The following NOL4 variants were observed in gnomAD, a reference collection of about 807,000 sequenced individuals.
The protein encoded by NOL4 is cancer/testis antigen 125.
NOL4 carries 17 observed loss-of-function variants against 75.9 expected under a neutral mutation model. That is an observed-to-expected ratio of 0.22 (90% CI 0.15 to 0.34). The LOEUF (loss-of-function observed/expected upper bound fraction) is 0.34, where lower values mean the gene tolerates loss of function less well. Ranked by LOEUF, NOL4 falls within the 10% of genes least tolerant of loss-of-function variation. The probability of loss-of-function intolerance (pLI) is 1.00; values close to 1 mark genes in which losing one functional copy is unlikely to be tolerated. For missense variants in NOL4, 614 were observed against 793.5 expected (o/e 0.77, Z 2.72); for synonymous variants, 292 against 289.9 (o/e 1.01, Z -0.07).
intron 1 of NOL4, among the ~76,000 whole-genome samples, chr18:34,158,211 G>A (rs2030787905): frequency 6.6e-6 from 1 of 152,178 alleles, no homozygotes; most frequent in Non-Finnish European, 1.5e-5. Context: ...AAATTTGAGA[G>A]CAAGGGGTTG....
intron 5 of NOL4, among the ~76,000 whole-genome samples, chr18:34,036,749 C>T (rs1411600096): frequency 6.6e-6 from 1 of 151,988 alleles, no homozygotes. Flanking sequence ...TATGGTGAAT[C>T]CCCGTCTCTA....
At chr18:33,909,321 GTTGT>G (rs1258025962) in intron 9 of NOL4, among the ~76,000 whole-genome samples, 4 of 152,110 alleles carry the variant, frequency 2.6e-5, no homozygotes, top group African/African-American at 9.7e-5. Flanking sequence ...GATCTCATCT[GTTGT>G]TTATGACTTT....
At chr18:34,040,057 T>C (rs944566106) in intron 5 of NOL4, among the ~76,000 whole-genome samples, 3 of 151,996 alleles carry the variant, frequency 2.0e-5, no homozygotes, top group Non-Finnish European at 4.4e-5. Context: ...CCATTTTGAT[T>C]TAGAATATTT....
At chr18:34,119,653 G>A (rs1292281214) in intron 2 of NOL4, among the ~76,000 whole-genome samples, 1 of 151,780 alleles carries the variant, frequency 6.6e-6, no homozygotes, top group Non-Finnish European at 1.5e-5. Flanking sequence ...AAGGAGTCTC[G>A]CTCTGTCGCC....
intron 6 of NOL4, 78 bp downstream of exon 6, chr18:34,019,240 T>A: frequency 8.6e-7 from 1 of 1,156,612 alleles, no homozygotes; most frequent in Non-Finnish European, 1.2e-6. Context: ...CAATAATGTT[T>A]ATCTGCTATA....
At chr18:33,886,805 G>A (rs550543094) in intron 9 of NOL4, among the ~76,000 whole-genome samples, 41 of 133,574 alleles carry the variant, frequency 3.1e-4, no homozygotes, top group Non-Finnish European at 5.1e-4. Context: ...ATCTATATAC[G>A]TATATAGATA....
At chr18:33,874,362 A>T (rs1467324196) in intron 10 of NOL4, among the ~76,000 whole-genome samples, 1 of 151,970 alleles carries the variant, frequency 6.6e-6, no homozygotes, top group Non-Finnish European at 1.5e-5. Flanking sequence ...AAAATGTTTG[A>T]TATGAAACAT....
In NOL4 at chr18:33,949,229, T is replaced by C. The variant is rs550792671; in HGVS notation, c.1429-6051A>G. Among the ~76,000 whole-genome samples the C allele has an allele frequency of 2.7e-4, 41 of 152,154 alleles. No individual in the cohort carries two copies. The South Asian group carries it at 7.9e-3, about 29-fold the overall frequency. Reference sequence around the variant, plus strand: ...TTCAGACAAACTGGTGAATGCAAACTAAAATAGTAGTTCAACTGTCCTTAT... The same window carrying C: ...TTCAGACAAACTGGTGAATGCAAACCAAAATAGTAGTTCAACTGTCCTTAT... On this transcript the variant is annotated intron_variant, in intron 8 of 10. Transcript: ENST00000261592.
intron 6 of NOL4, among the ~76,000 whole-genome samples, chr18:33,991,395 A>C (rs1030214693): frequency 4.6e-5 from 7 of 152,134 alleles, no homozygotes; most frequent in African/African-American, 1.7e-4. Context: ...AATAATAAAA[A>C]TAAACTAAAT....
At chr18:34,147,125 C>T (rs1239612248) in intron 1 of NOL4, among the ~76,000 whole-genome samples, 12 of 152,070 alleles carry the variant, frequency 7.9e-5, no homozygotes, top group African/African-American at 2.2e-4. Flanking sequence ...TGGGCTGAGA[C>T]GATGGGGTTT....
At chr18:34,154,325 G>A (rs1190993879) in intron 1 of NOL4, among the ~76,000 whole-genome samples, 1 of 151,792 alleles carries the variant, frequency 6.6e-6, no homozygotes, top group Non-Finnish European at 1.5e-5. Context: ...TTCCACATAC[G>A]GATCACCAAG....
At chr18:34,200,715 C>T (rs1600860815) in intron 1 of NOL4, among the ~76,000 whole-genome samples, 1 of 151,554 alleles carries the variant, frequency 6.6e-6, no homozygotes, top group South Asian at 2.1e-4. Flanking sequence ...ACTGCGGTAC[C>T]AAAAGTCAGC....
rs554151098 is a variant in NOL4 at position 34,217,018 on chromosome 18, G to A, written c.264+5972C>T. Among the ~76,000 whole-genome samples, 109 of 151,782 alleles carry A rather than the reference G, an allele frequency of 7.2e-4. 1 individual carries two copies. The highest frequency in any genetic ancestry group is 2.4e-3 in the African/African-American group (101 of 41,418). On this transcript the variant is annotated intron_variant, in intron 1 of 10. Coordinates refer to ENST00000261592, the MANE Select transcript of NOL4 (RefSeq NM_003787.5). ...ATATGCAACTATCAGTCATTTTATC[G>A]ACTCTTCTTTTGGCATATATTTCTA... is the stretch of plus-strand genomic sequence containing the variant.
intron 6 of NOL4, among the ~76,000 whole-genome samples, chr18:34,018,491 T>A (rs1184831406): frequency 6.6e-6 from 1 of 152,126 alleles, no homozygotes; most frequent in Non-Finnish European, 1.5e-5. Context: ...GCTTTAAGGA[T>A]CTATGTCAAA....
At chr18:34,016,632 A>T (rs2074712125) in intron 6 of NOL4, among the ~76,000 whole-genome samples, 1 of 151,814 alleles carries the variant, frequency 6.6e-6, no homozygotes. Flanking sequence ...GCCATTCCAC[A>T]CTCACCTCTG....
intron 5 of NOL4, among the ~76,000 whole-genome samples, chr18:34,044,338 G>A (rs1360058898): frequency 1.3e-5 from 2 of 151,934 alleles, no homozygotes; most frequent in Non-Finnish European, 2.9e-5. Context: ...ACTACAAAAT[G>A]CTTTTCCCAA....
intron 6 of NOL4, among the ~76,000 whole-genome samples, chr18:34,002,988 C>G (rs957780879): frequency 6.6e-6 from 1 of 151,902 alleles, no homozygotes; most frequent in Non-Finnish European, 1.5e-5. Context: ...AAACATTATC[C>G]CCATTTTTCA....
chr18:33,939,766 T>C (rs1273098481), intron 9 of NOL4, among the ~76,000 whole-genome samples: 2 of 152,088 alleles, frequency 1.3e-5, no homozygotes, highest in Non-Finnish European at 2.9e-5. Context: ...CCTTTCTTTC[T>C]TTCTCTTGCC....
intron 10 of NOL4, among the ~76,000 whole-genome samples, chr18:33,878,347 G>A (rs1302652409): frequency 6.6e-6 from 1 of 151,760 alleles, no homozygotes. Context: ...CTTACCACTG[G>A]TAGCTCTCTG....
Sources: allele counts gnomAD v4.1 joint callset (sites outside exome capture counted in the v4.1 genomes callset), GRCh38; gene constraint gnomAD v4.1.1; transcripts MANE v1.5; gene names NCBI Gene and HGNC (gene_info 2026-07-23, HGNC 2026-07-21).